The following LITAF variants were observed in gnomAD, a reference collection of about 807,000 sequenced individuals.
LITAF encodes lipopolysaccharide-induced tumor necrosis factor-alpha factor.
LITAF carries 9 observed loss-of-function variants against 14.5 expected under a neutral mutation model. That is an observed-to-expected ratio of 0.62 (90% CI 0.37 to 1.08). The LOEUF (loss-of-function observed/expected upper bound fraction) is 1.08. Ranked by LOEUF, LITAF falls within the 50% of genes least tolerant of loss-of-function variation. The pLI is 0.01. For synonymous variants in LITAF, 98 were observed against 88.2 expected, an observed-to-expected ratio of 1.11 and a Z score of -0.62; for missense variants, 206 against 213.4, an observed-to-expected ratio of 0.97 and a Z score of 0.22.
At chr16:11,615,537 C>T (rs2065014135) in intron 3 of LITAF, among the ~76,000 whole-genome samples, 1 of 151,550 alleles carries the variant, frequency 6.6e-6, no homozygotes, top group African/African-American at 2.4e-5. Flanking sequence ...AACTCCGTCT[C>T]AATAAATAAA....
chr16:11,592,323 C>G (rs752756328), intron 1 of LITAF, among the ~76,000 whole-genome samples: 21 of 152,194 alleles, frequency 1.4e-4, no homozygotes, highest in Non-Finnish European at 2.9e-4. Context: ...CGCCTATACT[C>G]CCAGTACTTT....
chr16:11,638,851 T>C (rs950166831), upstream of LITAF, among the ~76,000 whole-genome samples: 8 of 152,112 alleles, frequency 5.3e-5, no homozygotes, highest in African/African-American at 1.7e-4. Context: ...AATCTCATTT[T>C]AGATATACAT....
In LITAF at chr16:11,627,610, G is replaced by A. The variant is rs143013462; in HGVS notation, c.85+5923C>T. On this transcript the variant is annotated intron_variant, in intron 3 of 3. Transcript: ENST00000574848. ...TGTAATCCCAGCATTTTGGAAGGCC[G>A]AGGTGGGCAGATCACCTGAGGTCAG... Among the ~76,000 whole-genome samples the A allele has an allele frequency of 9.0e-3, 1,377 of 152,328 alleles. 28 individuals carry two copies. The highest frequency in any genetic ancestry group is 0.031 in the African/African-American group (1,287 of 41,574).
At chr16:11,623,739 G>C (rs956549635) in intron 3 of LITAF, among the ~76,000 whole-genome samples, 1 of 151,666 alleles carries the variant, frequency 6.6e-6, no homozygotes, top group Non-Finnish European at 1.5e-5. Context: ...GGTCGAGGTG[G>C]GCAGATTACC....
rs28371148 is a variant in LITAF at position 11,559,133 on chromosome 16, C to G, written c.-5-2398G>C. On this transcript the variant is annotated intron_variant, in intron 1 of 3. Coordinates refer to ENST00000622633, the MANE Select transcript of LITAF (RefSeq NM_001136472.2). ...TAGCCAGGCATGGTGTTGCACACTT[C>G]TGGTCCCAGCTACCCAGGAGGCTGA... 9.5e-3 allele frequency among the ~76,000 whole-genome samples: 1,439 copies of G among 151,974 alleles called. 16 individuals carry two copies. The highest frequency in any genetic ancestry group is 0.033 in the African/African-American group (1,354 of 41,430).
intron 3 of LITAF, among the ~76,000 whole-genome samples, chr16:11,621,623 C>A (rs1011576655): frequency 6.6e-6 from 1 of 152,174 alleles, no homozygotes; most frequent in Admixed American, 6.5e-5. Context: ...GGGAACATCC[C>A]AGCCCCCTTG....
At chr16:11,625,000 A>G (rs2065075021) in intron 3 of LITAF, among the ~76,000 whole-genome samples, 1 of 152,168 alleles carries the variant, frequency 6.6e-6, no homozygotes, top group Non-Finnish European at 1.5e-5. Flanking sequence ...AGGAGACCCA[A>G]GGTGCCCCAA....
At chr16:11,564,445 C>T (rs993692599) in intron 1 of LITAF, among the ~76,000 whole-genome samples, 1 of 152,156 alleles carries the variant, frequency 6.6e-6, no homozygotes, top group Non-Finnish European at 1.5e-5. Context: ...GCTGCTACTT[C>T]GGGCACTCAC....
chr16:11,629,591 G>A (rs964574447), intron 3 of LITAF, among the ~76,000 whole-genome samples: 18 of 152,140 alleles, frequency 1.2e-4, no homozygotes, highest in African/African-American at 3.9e-4. Context: ...AGCAGTCAGC[G>A]GCCACACTCG....
intron 3 of LITAF, among the ~76,000 whole-genome samples, chr16:11,624,936 A>G (rs2065074605): frequency 6.6e-6 from 1 of 152,102 alleles, no homozygotes; most frequent in African/African-American, 2.4e-5. Flanking sequence ...ACTGCCCGAT[A>G]AGACTACCCC....
At position 11,586,081 on chromosome 16, in the gene LITAF, G is replaced by C. The variant is rs1222510504; in HGVS notation, c.-6+805C>G. ...CCAGAGCGGGGAGGGTATTTGCCTA[G>C]CTTGGCAGGGAGGGGCGAGATCCAC... On this transcript the variant is annotated intron_variant, in intron 1 of 3. Transcript: ENST00000622633. This position sits in a 1 kb window ranked among gnomAD's most constrained non-coding sequence, Gnocchi z 6.5. The C allele has an allele frequency of 6.6e-6, 1 of 152,492 alleles. No homozygotes were observed. Among genetic ancestry groups the C allele is most frequent in the Non-Finnish European group, 1.5e-5 (1 of 68,266 alleles). The allele number at this position is 152,492 out of a possible 1,614,324, so 9.4% of individuals were successfully genotyped here.
upstream of LITAF, among the ~76,000 whole-genome samples, chr16:11,638,117 T>TAGATATATATAGATAGATAGATAG (rs1555475737): frequency 2.9e-5 from 2 of 69,534 alleles, no homozygotes; most frequent in Non-Finnish European, 5.3e-5. Context: ...TATCTATCTA[T>TAGATATATATAGATAGATAGATAG]ATAGATAGAT....
intron 3 of LITAF, among the ~76,000 whole-genome samples, chr16:11,628,823 C>T (rs777596497): frequency 1.3e-5 from 2 of 152,266 alleles, no homozygotes; most frequent in African/African-American, 2.4e-5. Flanking sequence ...ATTTCAGGCG[C>T]ACACCACCAT....
chr16:11,569,770 C>T (rs557429783), intron 1 of LITAF, among the ~76,000 whole-genome samples: 3 of 152,266 alleles, frequency 2.0e-5, no homozygotes, highest in Non-Finnish European at 2.9e-5. Flanking sequence ...TGGTGGCTCA[C>T]GCCTGTAATC....
chr16:11,612,838 A>G (rs928017750), intron 3 of LITAF, among the ~76,000 whole-genome samples: 1 of 152,188 alleles, frequency 6.6e-6, no homozygotes, highest in Non-Finnish European at 1.5e-5. Context: ...TGGTTACACC[A>G]GAAGCTCTTG....
intron 3 of LITAF, among the ~76,000 whole-genome samples, chr16:11,633,262 C>G (rs1205819305): frequency 6.6e-6 from 1 of 152,180 alleles, no homozygotes; most frequent in African/African-American, 2.4e-5. Flanking sequence ...AGCCAGGGCT[C>G]CAATCTCAGC....
At chr16:11,599,993 AT>A (rs924160686), upstream of LITAF, among the ~76,000 whole-genome samples, 1 of 151,618 alleles carries the variant, frequency 6.6e-6, no homozygotes. Flanking sequence ...CTCCTTTTTA[AT>A]TTTTTAATTT....
At chr16:11,574,010 GT>G (rs1315009898) in intron 1 of LITAF, among the ~76,000 whole-genome samples, 4 of 120,614 alleles carry the variant, frequency 3.3e-5, no homozygotes, top group Non-Finnish European at 8.1e-5. Context: ...CGTTTTTTTG[GT>G]TTTTTTTTTG....
rs976400949 is a variant in LITAF, at chr16:11,620,201, A to G, written c.85+13332T>C. Among the ~76,000 whole-genome samples, 7 of 151,480 alleles carry G rather than the reference A, an allele frequency of 4.6e-5. No homozygotes were observed. The South Asian group carries it at 1.0e-3, about 23-fold the overall frequency. ...AAAAAAAAGAAAAGAAAAGAAAAAG[A>G]AAAGTAATCCTCCACAATGTTGGAG... On this transcript the variant is annotated intron_variant, in intron 3 of 3. Coordinates refer to the LITAF transcript ENST00000574848.
Sources: gnomAD v4.1 joint callset for allele counts (sites outside exome capture counted in the v4.1 genomes callset) on GRCh38, gnomAD v4.1.1 for gene constraint, Gnocchi (gnomAD v3.1) non-coding constraint, MANE v1.5 for transcripts, NCBI Gene and HGNC (gene_info 2026-07-23, HGNC 2026-07-21) for gene names.